WWOX: variants seen among roughly 807,000 people sequenced by gnomAD.
WWOX encodes WW domain-containing oxidoreductase.
Under a neutral mutation model 46.2 loss-of-function variants are expected in WWOX, and 69 were observed. The ratio of observed to expected loss-of-function variants is 1.49; its 90% CI spans 1.23 to 1.82. The LOEUF is 1.82. WWOX is among the 40% of genes most tolerant of loss of function. The pLI, the probability that WWOX is intolerant of heterozygous loss-of-function variation, is 0.00. For synonymous variants in WWOX, 359 were observed against 202.6 expected, an observed-to-expected ratio of 1.77 and a Z score of -6.56; for missense variants, 919 against 542.6, an observed-to-expected ratio of 1.69 and a Z score of -6.89.
At chr16:79,169,314 A>G (rs2050655824) in intron 8 of WWOX, among the ~76,000 whole-genome samples, 1 of 152,194 alleles carries the variant, frequency 6.6e-6, no homozygotes, top group Non-Finnish European at 1.5e-5. Context: ...AAGGACTTTG[A>G]TCACAAGATC....
rs140062913 is a variant in WWOX at position 78,822,068 on chromosome 16, G to C, written c.1056+389316G>C. 1.1e-3 allele frequency among the ~76,000 whole-genome samples: 166 copies of C among 152,022 alleles called. 3 individuals carry two copies. The East Asian group carries it at 0.02, about 18-fold the overall frequency. On this transcript the variant is annotated intron_variant, in intron 8 of 8. Coordinates refer to ENST00000566780, the MANE Select transcript of WWOX (RefSeq NM_016373.4). ...TTTTTAAAATTTCCTGTAGAGATGG[G>C]GTCTCAGTGCATTGGCCAGACTGAC...
intron 8 of WWOX, among the ~76,000 whole-genome samples, chr16:78,578,834 T>A (rs2044973543): frequency 6.6e-6 from 1 of 152,206 alleles, no homozygotes; most frequent in African/African-American, 2.4e-5. Flanking sequence ...GGAACATGTG[T>A]TACATGCTAC....
chr16:78,208,596 CTAAT>C (rs1408731998), intron 5 of WWOX, among the ~76,000 whole-genome samples: 8 of 152,224 alleles, frequency 5.3e-5, no homozygotes, highest in African/African-American at 1.9e-4. Flanking sequence ...GCGTTCATTC[CTAAT>C]TAATTTATGT....
intron 8 of WWOX, among the ~76,000 whole-genome samples, chr16:78,566,914 G>C (rs1256909690): frequency 1.3e-5 from 2 of 152,174 alleles, no homozygotes; most frequent in East Asian, 3.8e-4. Flanking sequence ...AATAGTATTA[G>C]TAATAGCAGC....
At chr16:78,118,192 A>G (rs1266455406) in intron 4 of WWOX, among the ~76,000 whole-genome samples, 1 of 151,880 alleles carries the variant, frequency 6.6e-6, no homozygotes, top group Non-Finnish European at 1.5e-5. Flanking sequence ...CCTCTAAGCA[A>G]ACTCTGTCTT....
At chr16:79,007,147 A>T (rs1441447441) in intron 8 of WWOX, among the ~76,000 whole-genome samples, 1 of 152,196 alleles carries the variant, frequency 6.6e-6, no homozygotes, top group Middle Eastern at 3.2e-3. Flanking sequence ...TTGCACTTCC[A>T]AAACTTATGT....
At chr16:78,764,791 C>A (rs754985471) in intron 8 of WWOX, among the ~76,000 whole-genome samples, 1 of 151,584 alleles carries the variant, frequency 6.6e-6, no homozygotes, top group African/African-American at 2.4e-5. Context: ...GTCTTGAACA[C>A]GGTAAACAAC....
At chr16:78,332,178 C>T (rs1285068404) in intron 5 of WWOX, among the ~76,000 whole-genome samples, 11 of 152,158 alleles carry the variant, frequency 7.2e-5, no homozygotes, top group Non-Finnish European at 1.3e-4. Context: ...TTCCCCACCC[C>T]AAGCCTTTTT....
chr16:79,087,112 C>T (rs1271459922), intron 8 of WWOX, among the ~76,000 whole-genome samples: 1 of 152,134 alleles, frequency 6.6e-6, no homozygotes, highest in African/African-American at 2.4e-5. Flanking sequence ...ATGGGAATTG[C>T]ATTTTAGAGG....
chr16:78,482,512 C>T (rs1456959987), intron 8 of WWOX, among the ~76,000 whole-genome samples: 2 of 152,168 alleles, frequency 1.3e-5, no homozygotes, highest in African/African-American at 4.8e-5. Flanking sequence ...CGTGAGCTGC[C>T]TTGCCTAGCC....
At chr16:78,284,810 T>C (rs1305916650) in intron 5 of WWOX, among the ~76,000 whole-genome samples, 1 of 152,256 alleles carries the variant, frequency 6.6e-6, no homozygotes, top group Admixed American at 6.5e-5. Context: ...AGCTTGGTCC[T>C]AACAGCTTTT....
At chr16:79,033,987 G>A (rs1018813695) in intron 8 of WWOX, among the ~76,000 whole-genome samples, 3 of 152,320 alleles carry the variant, frequency 2.0e-5, no homozygotes, top group African/African-American at 7.2e-5. Context: ...TCACGCAGGG[G>A]ACTCCTGATT....
intron 8 of WWOX, among the ~76,000 whole-genome samples, chr16:78,769,849 AT>A (rs2050021353): frequency 6.6e-6 from 1 of 151,312 alleles, no homozygotes; most frequent in Non-Finnish European, 1.5e-5. Flanking sequence ...TCTACAAAAA[AT>A]AAAAAATAAA....
chr16:78,877,788 G>C (rs1178529258), intron 8 of WWOX, among the ~76,000 whole-genome samples: 1 of 152,134 alleles, frequency 6.6e-6, no homozygotes, highest in Non-Finnish European at 1.5e-5. Context: ...AATGAATCTA[G>C]AAATATCCTT....
intron 8 of WWOX, among the ~76,000 whole-genome samples, chr16:78,654,411 A>C (rs1009465313): frequency 6.6e-6 from 1 of 152,222 alleles, no homozygotes; most frequent in South Asian, 2.1e-4. Context: ...GCTGTGTACT[A>C]TGCTCTATTG....
intron 8 of WWOX, among the ~76,000 whole-genome samples, chr16:78,759,777 C>T (rs367623229): frequency 6.6e-6 from 1 of 152,160 alleles, no homozygotes; most frequent in African/African-American, 2.4e-5. Flanking sequence ...TCTTATCTTA[C>T]AGTTCTGAAG....
chr16:79,001,207 G>C (rs116266239), intron 8 of WWOX, among the ~76,000 whole-genome samples: 3 of 152,112 alleles, frequency 2.0e-5, no homozygotes, highest in African/African-American at 7.2e-5. Context: ...ATGCAGTCTC[G>C]AGGAACGGAG....
chr16:78,333,983 T>G lies in WWOX; in HGVS notation c.517-52877T>G, dbSNP rs75111606. 5.5e-3 allele frequency among the ~76,000 whole-genome samples: 840 copies of G among 152,300 alleles called. 8 individuals carry two copies. Among genetic ancestry groups the G allele is most frequent in the African/African-American group, 0.019 (802 of 41,572 alleles). On this transcript the variant is annotated intron_variant, in intron 5 of 8. Coordinates refer to ENST00000566780, the MANE Select transcript of WWOX (RefSeq NM_016373.4). ...TGGTAAATATTTCATGTACTTTGCA[T>G]ATCAGCCTGAGTTCCTTTTGTGAAG... is the stretch of plus-strand genomic sequence containing the variant.
chr16:78,955,054 G>C, intron 8 of WWOX, among the ~76,000 whole-genome samples: 1 of 152,168 alleles, frequency 6.6e-6, no homozygotes, highest in East Asian at 1.9e-4. Context: ...CCCCCACAAA[G>C]TATTGGGAAT....
Sources: gnomAD v4.1 joint callset for allele counts (sites outside exome capture counted in the v4.1 genomes callset) on GRCh38, gnomAD v4.1.1 for gene constraint, MANE v1.5 for transcripts, NCBI Gene and HGNC (gene_info 2026-07-23, HGNC 2026-07-21) for gene names.